Variants in EEIG1 observed in about 807,000 individuals in gnomAD.
EEIG1 encodes estrogen-induced osteoclastogenesis regulator 1.
the EEIG1 span, chr9:127,954,006 T>TCC: frequency 6.4e-7 from 1 of 1,558,268 alleles, no homozygotes; most frequent in Non-Finnish European, 8.7e-7. Context: ...GACATGGCAC[T>TCC]CCCCATTGGG....
At chr9:127,979,963 G>A in the EEIG1 span, 3 of 1,598,486 alleles carry the variant, frequency 1.9e-6, no homozygotes, top group South Asian at 2.2e-5. Context: ...CACCCCCGCT[G>A]CTGCAGGCGC....
At chr9:127,968,306 G>T in the EEIG1 span, among the ~76,000 whole-genome samples, 3 of 152,064 alleles carry the variant, frequency 2.0e-5, no homozygotes, top group African/African-American at 7.2e-5. Context: ...CAAGTCATGG[G>T]GCTGCCTCTG....
chr9:127,971,408 C>T, the EEIG1 span, among the ~76,000 whole-genome samples: 2 of 152,130 alleles, frequency 1.3e-5, no homozygotes, highest in Non-Finnish European at 1.5e-5. Context: ...AGGAGCCCAC[C>T]CCACCCAAAC....
At chr9:127,966,356 T>C in the EEIG1 span, among the ~76,000 whole-genome samples, 1 of 151,126 alleles carries the variant, frequency 6.6e-6, no homozygotes, top group Non-Finnish European at 1.5e-5. Flanking sequence ...ACCTGTAATC[T>C]CAGCTACTCA....
At chr9:127,969,277 C>T in the EEIG1 span, among the ~76,000 whole-genome samples, 41 of 152,290 alleles carry the variant, frequency 2.7e-4, no homozygotes, top group African/African-American at 8.2e-4. Context: ...CAGGCAGGGA[C>T]GGTTGTCTTG....
chr9:127,946,775 C>T, the EEIG1 span, among the ~76,000 whole-genome samples: 1 of 152,182 alleles, frequency 6.6e-6, no homozygotes, highest in African/African-American at 2.4e-5. Flanking sequence ...AAGCTGGGCC[C>T]TTGAGGTCAG....
At chr9:127,965,704 C>T in the EEIG1 span, among the ~76,000 whole-genome samples, 1 of 152,324 alleles carries the variant, frequency 6.6e-6, no homozygotes, top group East Asian at 1.9e-4. Context: ...GGCCAGAGAG[C>T]GAGAGTCTAA....
chr9:127,965,453 G>A, the EEIG1 span, among the ~76,000 whole-genome samples: 63 of 152,312 alleles, frequency 4.1e-4, no homozygotes, highest in African/African-American at 1.4e-3. Context: ...GTAGCGCTCT[G>A]ACAGGCGTGT....
chr9:127,978,689 A>C, the EEIG1 span, among the ~76,000 whole-genome samples: 4 of 151,998 alleles, frequency 2.6e-5, no homozygotes, highest in Non-Finnish European at 4.4e-5. Context: ...AAAATACAAA[A>C]AAATTATCGT....
chr9:127,945,373 G>C, the EEIG1 span: 1 of 1,584,482 alleles, frequency 6.3e-7, no homozygotes, highest in Non-Finnish European at 8.6e-7. The surrounding 1 kb of genome is among the most constrained non-coding windows in gnomAD (Gnocchi z 6.5). Flanking sequence ...TCACCTGAAA[G>C]AGCGATCGGA....
chr9:127,953,853 C>G, the EEIG1 span: 1 of 1,614,032 alleles, frequency 6.2e-7, no homozygotes, highest in Non-Finnish European at 8.5e-7. Flanking sequence ...GGCCGGTGGC[C>G]GGGTTAGCAC....
chr9:127,953,473 T>C, the EEIG1 span: 1 of 971,074 alleles, frequency 1.0e-6, no homozygotes, highest in Non-Finnish European at 1.6e-6. Flanking sequence ...TAGGGCTGAG[T>C]GCCTCTTGCT....
the EEIG1 span, among the ~76,000 whole-genome samples, chr9:127,979,199 T>C: frequency 6.6e-6 from 1 of 152,150 alleles, no homozygotes; most frequent in Non-Finnish European, 1.5e-5. Context: ...TTAGGCTCAC[T>C]TTCCAGAAGA....
At chr9:127,948,283 G>A in the EEIG1 span, 1 of 1,612,496 alleles carries the variant, frequency 6.2e-7, no homozygotes, top group Non-Finnish European at 8.5e-7. Context: ...GATGAAAACA[G>A]AGGACACCCA....
At chr9:127,950,783 C>T in the EEIG1 span, 11 of 1,144,966 alleles carry the variant, frequency 9.6e-6, no homozygotes, top group African/African-American at 3.2e-5. Flanking sequence ...CTTTGTGCCA[C>T]GTCCCGGCGT....
the EEIG1 span, among the ~76,000 whole-genome samples, chr9:127,947,101 ATAATT>A: frequency 2.6e-5 from 4 of 152,066 alleles, no homozygotes; most frequent in Admixed American, 2.6e-4. Context: ...AGTACCAGTG[ATAATT>A]TAATAAAAAC....
At chr9:127,975,833 C>T in the EEIG1 span, among the ~76,000 whole-genome samples, 6 of 152,192 alleles carry the variant, frequency 3.9e-5, no homozygotes, top group Non-Finnish European at 8.8e-5. Context: ...CTGCCTTGGA[C>T]AGGATGGCAG....
chr9:127,945,638 C>G, the EEIG1 span: 2 of 1,575,286 alleles, frequency 1.3e-6, no homozygotes, highest in South Asian at 2.3e-5. The surrounding 1 kb of genome is among the most constrained non-coding windows in gnomAD (Gnocchi z 6.5). Flanking sequence ...CAGGGCCAGG[C>G]AGCCACTCAC....
At chr9:127,970,123 T>C in the EEIG1 span, among the ~76,000 whole-genome samples, 1 of 152,304 alleles carries the variant, frequency 6.6e-6, no homozygotes, top group African/African-American at 2.4e-5. Context: ...CATACACTTT[T>C]TTTTTTTTGA....
Sources: gnomAD v4.1 joint callset for allele counts (sites outside exome capture counted in the v4.1 genomes callset) on GRCh38, gnomAD v4.1.1 for gene constraint, Gnocchi (gnomAD v3.1) non-coding constraint, MANE v1.5 for transcripts, NCBI Gene and HGNC (gene_info 2026-07-23, HGNC 2026-07-21) for gene names.